SSR3: variants seen among roughly 807,000 people sequenced by gnomAD.
SSR3 encodes signal sequence receptor subunit 3.
SSR3 carries 10 observed loss-of-function variants against 22.1 expected under a neutral mutation model. The ratio of observed to expected loss-of-function variants is 0.45; its 90% CI spans 0.28 to 0.77. SSR3 has a LOEUF of 0.77. SSR3 is among the 30% of genes least tolerant of loss of function. The probability of loss-of-function intolerance (pLI) is 0.13; values close to 1 mark genes in which losing one functional copy is unlikely to be tolerated. For missense variants in SSR3, 181 were observed against 220.5 expected, an observed-to-expected ratio of 0.82 and a Z score of 1.13; for synonymous variants, 104 against 82.5, an observed-to-expected ratio of 1.26 and a Z score of -1.42.
At chr3:156,553,064 TA>T (rs1312633360) in intron 2 of SSR3, among the ~76,000 whole-genome samples, 1 of 143,018 alleles carries the variant, frequency 7.0e-6, no homozygotes, top group Non-Finnish European at 1.5e-5. Flanking sequence ...AGCAATAAAA[TA>T]AAAAGACCAG....
rs1320978572 is a variant in SSR3 at position 156,542,329 on chromosome 3, G to A, written c.*874C>T. On this transcript the variant is annotated 3_prime_UTR_variant, in exon 5 of 5. Coordinates refer to ENST00000265044, the MANE Select transcript of SSR3 (RefSeq NM_007107.5). ...CACTAAAATCACTGTAAATTCCTTG[G>A]AGAGTTCTCAGAATTGCAGAAGTTC... The A allele has an allele frequency of 1.3e-5, 2 of 152,228 alleles. No individual in the cohort carries two copies. Among genetic ancestry groups the A allele is most frequent in the Non-Finnish European group, 2.9e-5 (2 of 68,038 alleles). The allele number at this position is 152,228 out of a possible 1,614,324, so 9.4% of individuals were successfully genotyped here.
Position 156,544,364 on chromosome 3 carries a change from G to C in SSR3, c.435C>G (p.Phe145Leu), listed in dbSNP as rs1412504210. ...AGGAAGCAACAATGACCACGACCAG[G>C]AACAGAGTGTTGTTATAGAAGATGG... ...TFSIFYNNTL[F>L]LVVVIVASFF... The change falls in exon 4 of 5, where the codon TTC becomes TTG. Residue 145 changes from phenylalanine (F) to leucine (L), a missense_variant. Phe to Leu is a conservative substitution (Grantham distance 22, BLOSUM62 0). Coordinates refer to ENST00000265044, the MANE Select transcript of SSR3 (RefSeq NM_007107.5). 6.3e-7 allele frequency: 1 copy of C among 1,599,506 alleles called. No individual in the cohort carries two copies. The highest frequency in any genetic ancestry group is 1.3e-5 in the African/African-American group (1 of 74,340).
At chr3:156,552,227 C>T (rs1310186573) in intron 2 of SSR3, among the ~76,000 whole-genome samples, 1 of 151,264 alleles carries the variant, frequency 6.6e-6, no homozygotes, top group Non-Finnish European at 1.5e-5. Flanking sequence ...TCACTTGAGC[C>T]CAGGAGGCAG....
rs541463755 is a variant in SSR3 at position 156,543,322 on chromosome 3, G to C, written c.492-53C>G. The C allele has an allele frequency of 2.8e-5, 40 of 1,451,912 alleles. No individual in the cohort carries two copies. In the East Asian group the frequency reaches 9.4e-4, roughly 34 times the overall value. The allele number at this position is 1,451,912 out of a possible 1,614,324, so 89.9% of individuals were successfully genotyped here. On this transcript the variant is annotated intron_variant, in intron 4 of 4. Transcript: ENST00000265044. ...ATGAGTAACTCCAAATTGGTTTTTT[G>C]AGAAAATAAAGAGCCCATCTCTTTG...
At chr3:156,549,748 A>G (rs1719884208) in intron 2 of SSR3, among the ~76,000 whole-genome samples, 1 of 152,216 alleles carries the variant, frequency 6.6e-6, no homozygotes, top group South Asian at 2.1e-4. Flanking sequence ...AAAGGTTTAC[A>G]AAGTTACTTT....
chr3:156,547,295 A>G (rs909200557), intron 3 of SSR3, among the ~76,000 whole-genome samples: 5 of 152,208 alleles, frequency 3.3e-5, no homozygotes, highest in African/African-American at 9.6e-5. Flanking sequence ...AAACTGAGAA[A>G]GATTCCGAGA....
chr3:156,551,094 A>C (rs1719936484), intron 2 of SSR3, among the ~76,000 whole-genome samples: 1 of 152,212 alleles, frequency 6.6e-6, no homozygotes, highest in Non-Finnish European at 1.5e-5. Context: ...ATCTGTAGGC[A>C]TTTCAAAGTC....
Position 156,540,605 on chromosome 3 carries a change from C to CAAT in SSR3, c.*2597_*2598insATT, listed in dbSNP as rs1719426129. The CAAT allele has an allele frequency of 1.4e-5, 1 of 71,862 alleles. No individual in the cohort carries two copies. The highest frequency in any genetic ancestry group is 2.4e-5 in the Non-Finnish European group (1 of 41,046). The allele number at this position is 71,862 out of a possible 1,614,324, so 4.5% of individuals were successfully genotyped here. ...TGGGTGACAGAGCGAGACGCTGTCT[C>CAAT]AAAAAAAAAAAAAAAAAAAAAAGAA... On this transcript the variant is annotated 3_prime_UTR_variant, in exon 5 of 5. Transcript: ENST00000265044.
At chr3:156,544,092 T>A (rs1003231954) in intron 4 of SSR3, 35 of 417,190 alleles carry the variant, frequency 8.4e-5, no homozygotes, top group Non-Finnish European at 1.4e-4. Context: ...TACTTTGTAA[T>A]ACTTTATCAT....
chr3:156,551,477 C>T (rs1346144517), intron 2 of SSR3: 1 of 151,848 alleles, frequency 6.6e-6, no homozygotes, highest in African/African-American at 2.4e-5. Context: ...TGGAGGCCCA[C>T]ATGAGCTGAA....
chr3:156,554,627 A>G, intron 1 of SSR3: 1 of 275,182 alleles, frequency 3.6e-6, no homozygotes, highest in Non-Finnish European at 6.9e-6. Context: ...TGTATAGAAA[A>G]GGGCAGAGGC....
intron 1 of SSR3, 38 bp downstream of exon 1, chr3:156,554,919 C>A (rs778615437): frequency 1.3e-6 from 2 of 1,596,202 alleles, no homozygotes; most frequent in African/African-American, 1.3e-5. Context: ...CCCGACTAGC[C>A]GGCGGCCTGC....
intron 1 of SSR3, 24 bp from the exon 2 acceptor site, chr3:156,553,805 G>T (rs766623491): frequency 1.9e-6 from 3 of 1,579,986 alleles, no homozygotes; most frequent in Non-Finnish European, 2.6e-6. Flanking sequence ...AAAGGGGGAA[G>T]GGTACAAAAA....
chr3:156,545,066 T>C (rs1719712537), intron 3 of SSR3, among the ~76,000 whole-genome samples: 1 of 152,240 alleles, frequency 6.6e-6, no homozygotes, highest in South Asian at 2.1e-4. Context: ...TGGTATTTCA[T>C]CCATCTTTTC....
At chr3:156,548,112 C>G (rs1450785956) in intron 3 of SSR3, among the ~76,000 whole-genome samples, 1 of 152,224 alleles carries the variant, frequency 6.6e-6, no homozygotes, top group Non-Finnish European at 1.5e-5. Context: ...AAAGCATCTT[C>G]TTGATACTGA....
chr3:156,543,375 G>A, intron 4 of SSR3, 106 bp from the exon 5 acceptor site: 1 of 785,070 alleles, frequency 1.3e-6, no homozygotes, highest in Non-Finnish European at 2.1e-6. Context: ...CCTGACACTT[G>A]GTGTAATCAT....
At chr3:156,549,251 C>T (rs559668782) in intron 2 of SSR3, among the ~76,000 whole-genome samples, 105 of 152,248 alleles carry the variant, frequency 6.9e-4, no homozygotes, top group African/African-American at 2.5e-3. Flanking sequence ...GAAGAATTTT[C>T]CACAGTTTAG....
In SSR3 at chr3:156,540,689, A is replaced by C. The variant is rs1181445141; in HGVS notation, c.*2514T>G. The C allele has an allele frequency of 1.4e-4, 21 of 152,072 alleles. No individual in the cohort carries two copies. Among genetic ancestry groups the C allele is most frequent in the Admixed American group, 1.4e-3 (21 of 15,280 alleles). 9.4% of individuals were successfully genotyped at this position (152,072 alleles called of 1,614,324 possible). On this transcript the variant is annotated 3_prime_UTR_variant, in exon 5 of 5. Transcript: ENST00000265044. ...AGGAACTAAAAATAGGTAAATGAAA[A>C]TGTTATAACACTTTAGTGCTATTTA...
Position 156,541,421 on chromosome 3 carries a change from TTTTG to T in SSR3, c.*1778_*1781del, listed in dbSNP as rs1719491608. The stretch of plus-strand genomic sequence containing the variant: ...ACAGTAAAGAAAACTTTTTGGGTTT[TTTTG>T]TTTCTTTTTTGAGATGGAGTCTCAC... On this transcript the variant is annotated 3_prime_UTR_variant, in exon 5 of 5. Coordinates refer to ENST00000265044, the MANE Select transcript of SSR3 (RefSeq NM_007107.5). 4 of 152,290 alleles carry T rather than the reference TTTTG, an allele frequency of 2.6e-5. No homozygotes were observed. The highest frequency in any genetic ancestry group is 2.1e-4 in the South Asian group (1 of 4,824). 9.4% of individuals were successfully genotyped at this position (152,290 alleles called of 1,614,324 possible).
Sources: allele counts gnomAD v4.1 joint callset (sites outside exome capture counted in the v4.1 genomes callset), GRCh38; gene constraint gnomAD v4.1.1; transcripts MANE v1.5; gene names NCBI Gene and HGNC (gene_info 2026-07-23, HGNC 2026-07-21).